Variants in RNF212B observed in about 807,000 individuals in gnomAD.
The protein encoded by RNF212B is ring finger protein 212B.
RNF212B carries 52 observed loss-of-function variants against 55.5 expected under a neutral mutation model. The ratio of observed to expected loss-of-function variants is 0.94; its 90% CI spans 0.75 to 1.18. RNF212B has a LOEUF of 1.18. Ranked by LOEUF, RNF212B falls within the 50% of genes most tolerant of loss-of-function variation. The pLI, the probability that RNF212B is intolerant of heterozygous loss-of-function variation, is 0.00. For missense variants in RNF212B, 289 were observed against 350.4 expected, an observed-to-expected ratio of 0.82 and a Z score of 1.40; for synonymous variants, 99 against 121.4, an observed-to-expected ratio of 0.82 and a Z score of 1.21.
At chr14:23,247,779 GGT>G (rs529870339) in intron 4 of RNF212B, among the ~76,000 whole-genome samples, 422 of 151,936 alleles carry the variant, frequency 2.8e-3, no homozygotes, top group African/African-American at 9.3e-3. Flanking sequence ...ATTCCTCTTG[GGT>G]ATATACCTAC....
intron 2 of RNF212B, among the ~76,000 whole-genome samples, chr14:23,207,654 C>T (rs1879981098): frequency 6.6e-6 from 1 of 152,182 alleles, no homozygotes; most frequent in Non-Finnish European, 1.5e-5. Context: ...CAACTCCACT[C>T]AGAATCCTCC....
chr14:23,246,134 CTTT>C (rs1157017157), intron 4 of RNF212B, among the ~76,000 whole-genome samples: 2 of 142,620 alleles, frequency 1.4e-5, no homozygotes. Context: ...GTTTTCTTTT[CTTT>C]TTTTTTTTTT....
chr14:23,206,117 C>T (rs1165529168), intron 2 of RNF212B, among the ~76,000 whole-genome samples: 2 of 152,174 alleles, frequency 1.3e-5, no homozygotes, highest in Non-Finnish European at 2.9e-5. Context: ...CTCTGTCAGC[C>T]AGGCTGGAGT....
At chr14:23,186,522 G>T (rs1238775017) in intron 1 of RNF212B, among the ~76,000 whole-genome samples, 2 of 151,946 alleles carry the variant, frequency 1.3e-5, no homozygotes, top group Non-Finnish European at 2.9e-5. Context: ...GCTAATTTTT[G>T]TGTTTTTAGT....
intron 2 of RNF212B, among the ~76,000 whole-genome samples, chr14:23,208,989 A>ACCGCCCG (rs1358997698): frequency 7.2e-5 from 11 of 151,766 alleles, no homozygotes; most frequent in African/African-American, 2.7e-4. Context: ...CGATCTCCTG[A>ACCGCCCG]CCTCGTGATC....
chr14:23,265,750 T>C (rs551929060), intron 11 of RNF212B, among the ~76,000 whole-genome samples: 17 of 152,358 alleles, frequency 1.1e-4, no homozygotes, highest in Admixed American at 1.1e-3. Context: ...TTACTTCTTC[T>C]ATTATCTGTT....
At chr14:23,211,465 C>T (rs1230163685) in intron 2 of RNF212B, among the ~76,000 whole-genome samples, 1 of 152,096 alleles carries the variant, frequency 6.6e-6, no homozygotes, top group African/African-American at 2.4e-5. Flanking sequence ...TACACAAATA[C>T]TCCCCAAAAG....
chr14:23,220,215 CAAAAA>C (rs1881439924), intron 2 of RNF212B, among the ~76,000 whole-genome samples: 1 of 151,058 alleles, frequency 6.6e-6, no homozygotes, highest in African/African-American at 2.4e-5. Flanking sequence ...AAAACAAAAA[CAAAAA>C]CAAAAACAAA....
chr14:23,210,893 A>G (rs953622518), intron 2 of RNF212B, among the ~76,000 whole-genome samples: 1 of 152,082 alleles, frequency 6.6e-6, no homozygotes, highest in Non-Finnish European at 1.5e-5. Flanking sequence ...TAAATCTAAA[A>G]TTATTCCAAA....
rs57731750 is a variant in RNF212B at position 23,266,404 on chromosome 14, GTTTTTTTTTT to G, written c.634+1748_634+1757del. Among the ~76,000 whole-genome samples the G allele has an allele frequency of 3.5e-3, 162 of 46,914 alleles. 3 individuals carry two copies. Among genetic ancestry groups the G allele is most frequent in the African/African-American group, 0.019 (150 of 7,802 alleles). The allele number at this position is 46,914 out of a possible 152,430, so 30.8% of individuals were successfully genotyped here. ...TTCAGTGATTTAAATCCTTTTAAAT[GTTTTTTTTTT>G]TTTTTTTTTTTTTTGAGATGGTGTT... On this transcript the variant is annotated intron_variant, in intron 11 of 14. Transcript: ENST00000430154.
upstream of RNF212B, among the ~76,000 whole-genome samples, chr14:23,237,060 A>G (rs1883163511): frequency 6.9e-6 from 1 of 145,606 alleles, no homozygotes; most frequent in African/African-American, 2.6e-5. Context: ...ACCCCGTGGG[A>G]TTAAGTGATA....
chr14:23,221,492 A>G (rs1315267486), intron 2 of RNF212B, among the ~76,000 whole-genome samples: 1 of 152,242 alleles, frequency 6.6e-6, no homozygotes, highest in African/African-American at 2.4e-5. Flanking sequence ...AGATATATAA[A>G]GCAAATATTA....
intron 2 of RNF212B, among the ~76,000 whole-genome samples, chr14:23,242,652 A>G (rs1883682793): frequency 6.6e-6 from 1 of 152,156 alleles, no homozygotes; most frequent in Non-Finnish European, 1.5e-5. Flanking sequence ...TCTGTCCCAC[A>G]GAAGAAAATT....
rs951616641 is a variant in RNF212B at position 23,271,204 on chromosome 14, C to T, written c.834+543C>T. Among the ~76,000 whole-genome samples, 12 of 152,060 alleles carry T rather than the reference C, an allele frequency of 7.9e-5. No individual in the cohort carries two copies. In the East Asian group the frequency reaches 2.1e-3, roughly 27 times the overall value. On this transcript the variant is annotated intron_variant, in intron 14 of 14. Transcript: ENST00000430154. ...CAGTAATCCCAGCACTTTGGGAGGC[C>T]GAGGCAGGTGGATAACCTGAGGTCA...
At chr14:23,250,324 C>CA (rs1209099046) in intron 4 of RNF212B, among the ~76,000 whole-genome samples, 3 of 151,674 alleles carry the variant, frequency 2.0e-5, no homozygotes, top group Non-Finnish European at 2.9e-5. Context: ...ACTAAAAATA[C>CA]AAAAAATTAG....
intron 4 of RNF212B, among the ~76,000 whole-genome samples, chr14:23,255,838 T>C (rs1884789302): frequency 6.6e-6 from 1 of 152,242 alleles, no homozygotes; most frequent in South Asian, 2.1e-4. Context: ...TTTAAAGTAC[T>C]GTACTGAGGT....
chr14:23,262,644 C>CT (rs1215365931), intron 7 of RNF212B, 21 bp from the exon 8 acceptor site: 1 of 1,542,064 alleles, frequency 6.5e-7, no homozygotes, highest in East Asian at 2.5e-5. Context: ...TTAGAGCCGC[C>CT]TCTTTTTTTT....
At chr14:23,266,586 G>C (rs984989858) in intron 11 of RNF212B, among the ~76,000 whole-genome samples, 1 of 150,486 alleles carries the variant, frequency 6.6e-6, no homozygotes, top group South Asian at 2.1e-4. Context: ...GGCTAATTTT[G>C]TATTTTTAGT....
intron 2 of RNF212B, among the ~76,000 whole-genome samples, chr14:23,212,402 G>T (rs886228817): frequency 1.3e-5 from 2 of 152,100 alleles, no homozygotes; most frequent in African/African-American, 4.8e-5. Flanking sequence ...CTCACAGACG[G>T]CATGATTATC....
Sources: gnomAD v4.1 joint callset for allele counts (sites outside exome capture counted in the v4.1 genomes callset) on GRCh38, gnomAD v4.1.1 for gene constraint, MANE v1.5 for transcripts, NCBI Gene and HGNC (gene_info 2026-07-23, HGNC 2026-07-21) for gene names.